RPA2: variants seen among roughly 807,000 people sequenced by gnomAD.
RPA2 encodes the protein replication protein A2.
A neutral mutation model predicts 33.4 loss-of-function variants in RPA2; 22 were observed. The observed-to-expected ratio is 0.66, with a 90% confidence interval of 0.47 to 0.94. The LOEUF is 0.94. Among genes scored for constraint, RPA2 ranks in the 40% least tolerant of loss-of-function variants. The probability of loss-of-function intolerance (pLI) is 0.00; values close to 1 mark genes in which losing one functional copy is unlikely to be tolerated. For synonymous variants in RPA2, 109 were observed against 114.9 expected (o/e 0.95, Z 0.33); for missense variants, 279 against 329.9 (o/e 0.85, Z 1.19).
rs574325148 is a variant in RPA2, at chr1:27,895,143, C to T, written c.526-746G>A. ...CCTCATTAGCCTCTTCTATCTGTCTCCCAAAAAGCTGACAGTGTCCCCAGG... is the reference window on the plus strand; with the variant it reads ...CCTCATTAGCCTCTTCTATCTGTCTTCCAAAAAGCTGACAGTGTCCCCAGG... On this transcript the variant is annotated intron_variant, in intron 6 of 8. Coordinates refer to ENST00000373912, the MANE Select transcript of RPA2 (RefSeq NM_002946.5). Among the ~76,000 whole-genome samples, 27 of 152,260 alleles carry T rather than the reference C, an allele frequency of 1.8e-4. No homozygotes were observed. In the South Asian group the frequency reaches 3.5e-3, roughly 20 times the overall value.
At chr1:27,907,355 C>A in intron 2 of RPA2, 73 bp from the exon 3 acceptor site, 1 of 1,144,996 alleles carries the variant, frequency 8.7e-7, no homozygotes, top group Middle Eastern at 2.0e-4. Flanking sequence ...TGCCATGTGC[C>A]AAGTACTTTA....
At chr1:27,900,458 ATTT>A (rs59692684) in intron 4 of RPA2, among the ~76,000 whole-genome samples, 4 of 140,460 alleles carry the variant, frequency 2.8e-5, no homozygotes, top group Admixed American at 7.2e-5. Flanking sequence ...GCTGCTTAAG[ATTT>A]TTTTTTTTTT....
intron 2 of RPA2, among the ~76,000 whole-genome samples, chr1:27,907,587 T>A (rs1295646778): frequency 6.6e-6 from 1 of 152,208 alleles, no homozygotes. Flanking sequence ...GACCTGCTGC[T>A]GCCAGAACAG....
Position 27,914,462 on chromosome 1 carries a change from C to A in RPA2, c.-19G>T. 2 of 1,591,090 alleles carry A rather than the reference C, an allele frequency of 1.3e-6. No homozygotes were observed. Among genetic ancestry groups the A allele is most frequent in the Non-Finnish European group, 1.7e-6 (2 of 1,167,634 alleles). On this transcript the variant is annotated 5_prime_UTR_variant, in exon 1 of 9. Transcript: ENST00000373912. Reference sequence around the variant, plus strand: ...TCCACATCTTGGTCACGATTCTCCGCAAAGAGGCCGAGAAGGTGCGGGTCT... The same window carrying A: ...TCCACATCTTGGTCACGATTCTCCGAAAAGAGGCCGAGAAGGTGCGGGTCT...
chr1:27,899,417 A>C (rs28904884), intron 4 of RPA2, among the ~76,000 whole-genome samples: 2,084 of 151,152 alleles, frequency 0.014, 45 homozygotes, highest in African/African-American at 0.047. Flanking sequence ...AGGCAGGAGA[A>C]TCACTTGAAC....
Position 27,914,561 on chromosome 1 carries a change from C to T in RPA2, c.-118G>A. On this transcript the variant is annotated 5_prime_UTR_variant, in exon 1 of 9. Transcript: ENST00000373912. ...GGCTACTTTTCTCTGGCACCACAAACGCCTTCCCGCGAATGGCGGAGCCAG... is the reference window on the plus strand; with the variant it reads ...GGCTACTTTTCTCTGGCACCACAAATGCCTTCCCGCGAATGGCGGAGCCAG... The T allele has an allele frequency of 6.2e-7, 1 of 1,611,608 alleles. No homozygotes were observed. Among genetic ancestry groups the T allele is most frequent in the South Asian group, 1.1e-5 (1 of 90,924 alleles).
intron 4 of RPA2, among the ~76,000 whole-genome samples, chr1:27,902,785 AAACT>A (rs28905168): frequency 0.027 from 4,076 of 152,160 alleles, 188 homozygotes; most frequent in African/African-American, 0.093. Context: ...AAGGGTATGG[AAACT>A]AACTGGGCAC....
At chr1:27,892,273 G>C (rs1277753589) in intron 8 of RPA2, 26 bp from the exon 9 acceptor site, 1 of 1,576,170 alleles carries the variant, frequency 6.3e-7, no homozygotes, top group Non-Finnish European at 8.7e-7. Context: ...AAAAAAAAAA[G>C]GTCATTTTCA....
chr1:27,913,759 A>T (rs1387766248), intron 2 of RPA2, among the ~76,000 whole-genome samples: 1 of 152,126 alleles, frequency 6.6e-6, no homozygotes, highest in Admixed American at 6.6e-5. Context: ...TCTATTTTAA[A>T]AAATAAAAAT....
In RPA2 at chr1:27,892,084, G is replaced by T; in HGVS notation, c.*79C>A. 2.5e-6 allele frequency: 3 copies of T among 1,202,936 alleles called. No homozygotes were observed. Among genetic ancestry groups the T allele is most frequent in the South Asian group, 1.3e-5 (1 of 77,404 alleles). The allele number at this position is 1,202,936 out of a possible 1,614,324, so 74.5% of individuals were successfully genotyped here. A position where few individuals can be genotyped will look rare whatever the true frequency, so the allele number is the denominator to read the frequency against. On this transcript the variant is annotated 3_prime_UTR_variant, in exon 9 of 9. Coordinates refer to ENST00000373912, the MANE Select transcript of RPA2 (RefSeq NM_002946.5). Reference sequence around the variant, plus strand: ...CTACTTCCTAGAAGCCCCCTGGCCAGACATATGCAGAGCTGGAGACAACAG... The same window carrying T: ...CTACTTCCTAGAAGCCCCCTGGCCATACATATGCAGAGCTGGAGACAACAG...
intron 4 of RPA2, 64 bp downstream of exon 4, chr1:27,906,864 A>G: frequency 1.8e-6 from 2 of 1,130,072 alleles, no homozygotes; most frequent in Middle Eastern, 2.9e-4. Context: ...TAAAAAGACT[A>G]AAAAAGTTCA....
upstream of RPA2, chr1:27,914,725 G>T: frequency 6.4e-7 from 1 of 1,572,764 alleles, no homozygotes; most frequent in Non-Finnish European, 8.7e-7. Flanking sequence ...TCTTTACGAA[G>T]GGCAAAACCC....
chr1:27,895,666 GCT>G (rs1372551166), intron 6 of RPA2, among the ~76,000 whole-genome samples: 2 of 152,154 alleles, frequency 1.3e-5, no homozygotes, highest in Admixed American at 1.3e-4. Context: ...GGGAGGCGGA[GCT>G]TGCAGTGAGC....
At chr1:27,913,960 A>G in intron 2 of RPA2, 103 bp downstream of exon 2, 1 of 1,031,584 alleles carries the variant, frequency 9.7e-7, no homozygotes, top group Non-Finnish European at 1.4e-6. Context: ...TTATCGCATC[A>G]GTTCACGTTG....
intron 8 of RPA2, among the ~76,000 whole-genome samples, chr1:27,893,708 T>C (rs1255302049): frequency 6.6e-6 from 1 of 151,972 alleles, no homozygotes; most frequent in Non-Finnish European, 1.5e-5. Flanking sequence ...CCTGGATTCA[T>C]GCGATTCTCT....
chr1:27,914,318 G>A (rs1335812557), intron 1 of RPA2, 116 bp downstream of exon 1: 3 of 1,611,126 alleles, frequency 1.9e-6, no homozygotes, highest in Admixed American at 1.7e-5. Flanking sequence ...AAACGCCCCA[G>A]CTCCGCTCCC....
chr1:27,897,575 G>T (rs2148653551), intron 5 of RPA2, 58 bp downstream of exon 5: 1 of 1,282,242 alleles, frequency 7.8e-7, no homozygotes, highest in South Asian at 1.5e-5. Context: ...GCCATGACAT[G>T]AATCTAGAAA....
upstream of RPA2, chr1:27,914,773 T>G (rs370802671): frequency 6.4e-4 from 753 of 1,182,166 alleles, 16 homozygotes; most frequent in South Asian, 9.3e-3. Flanking sequence ...CAGAGCGGTA[T>G]CGCAAGAAAT....
intron 2 of RPA2, among the ~76,000 whole-genome samples, chr1:27,912,268 G>A (rs1026590505): frequency 1.3e-5 from 2 of 152,082 alleles, no homozygotes; most frequent in East Asian, 3.9e-4. Context: ...ACTCAGCTGG[G>A]AATGGTGGCT....
Sources: allele counts gnomAD v4.1 joint callset (sites outside exome capture counted in the v4.1 genomes callset), GRCh38; gene constraint gnomAD v4.1.1; transcripts MANE v1.5; gene names NCBI Gene and HGNC (gene_info 2026-07-23, HGNC 2026-07-21).